The following ARL15 variants were observed in gnomAD, a reference collection of about 807,000 sequenced individuals.
ARL15 encodes ARF like GTPase 15.
ARL15 carries 19 observed loss-of-function variants against 25.2 expected under a neutral mutation model. The ratio of observed to expected loss-of-function variants is 0.75; its 90% CI spans 0.53 to 1.10. ARL15 has a LOEUF of 1.10. Ranked by LOEUF, ARL15 falls within the 50% of genes least tolerant of loss-of-function variation. The pLI is 0.00. For synonymous variants in ARL15, 94 were observed against 86.8 expected (o/e 1.08, Z -0.46); for missense variants, 220 against 246.0 (o/e 0.89, Z 0.71).
intron 4 of ARL15, among the ~76,000 whole-genome samples, chr5:53,924,576 A>T (rs1223802617): frequency 1.3e-5 from 2 of 152,188 alleles, no homozygotes; most frequent in African/African-American, 4.8e-5. Flanking sequence ...GGTTGAGGGC[A>T]TGAACCTAGA....
intron 1 of ARL15, chr5:54,282,255 A>C: frequency 1.0e-6 from 1 of 985,472 alleles, no homozygotes; most frequent in Non-Finnish European, 1.2e-6. Context: ...GTACCACAAA[A>C]ATATACATTG....
Position 54,099,368 on chromosome 5 carries a change from G to A in ARL15, c.462+13834C>T, listed in dbSNP as rs544451478. Among the ~76,000 whole-genome samples, 38 of 152,034 alleles carry A rather than the reference G, an allele frequency of 2.5e-4. 1 individual carries two copies. In the South Asian group the frequency reaches 7.9e-3, roughly 32 times the overall value. Reference sequence around the variant, plus strand: ...GGTTTCCTCATAACTAGAGAGAAAAGTACATTTTATCGGCTAATGATTAAA... The same window carrying A: ...GGTTTCCTCATAACTAGAGAGAAAAATACATTTTATCGGCTAATGATTAAA... On this transcript the variant is annotated intron_variant, in intron 4 of 4. Transcript: ENST00000504924.
intron 4 of ARL15, among the ~76,000 whole-genome samples, chr5:53,988,877 T>G (rs1294577774): frequency 6.6e-6 from 1 of 152,174 alleles, no homozygotes; most frequent in Non-Finnish European, 1.5e-5. Flanking sequence ...TCTGAAAAGC[T>G]GCAATCAGCT....
At chr5:54,021,188 A>G (rs908888432) in intron 4 of ARL15, among the ~76,000 whole-genome samples, 1 of 152,012 alleles carries the variant, frequency 6.6e-6, no homozygotes, top group Non-Finnish European at 1.5e-5. Context: ...ATACAAAATT[A>G]GCTGGGTGTG....
intron 3 of ARL15, among the ~76,000 whole-genome samples, chr5:54,125,085 G>GTTTTT (rs70986660): frequency 1.5e-5 from 2 of 136,458 alleles, no homozygotes; most frequent in East Asian, 2.1e-4. Context: ...GTTTTGTTTT[G>GTTTTT]TTTTTTTTTT....
intron 4 of ARL15, among the ~76,000 whole-genome samples, chr5:54,106,694 A>AAT (rs1331278058): frequency 2.6e-5 from 4 of 152,152 alleles, no homozygotes; most frequent in Non-Finnish European, 4.4e-5. Context: ...TTTTTCCCTG[A>AAT]ATATTTTCAA....
intron 4 of ARL15, among the ~76,000 whole-genome samples, chr5:53,931,225 A>G (rs1746187077): frequency 6.6e-6 from 1 of 152,214 alleles, no homozygotes; most frequent in Non-Finnish European, 1.5e-5. Flanking sequence ...TCTTTCCTCC[A>G]ACCAGGGTCG....
At chr5:53,947,170 GT>G (rs1561160927) in intron 4 of ARL15, among the ~76,000 whole-genome samples, 2,625 of 45,384 alleles carry the variant, frequency 0.058, 37 homozygotes, top group Middle Eastern at 0.14. Context: ...AAATAAGGGT[GT>G]GTGTGTGTGT....
At chr5:54,142,907 C>A (rs990272626) in intron 3 of ARL15, among the ~76,000 whole-genome samples, 6 of 152,040 alleles carry the variant, frequency 3.9e-5, no homozygotes, top group Non-Finnish European at 7.4e-5. Context: ...TAAATTTAGA[C>A]CTTGGATCCA....
chr5:54,310,397 C>T (rs1161769888), intron 1 of ARL15, 35 bp downstream of exon 1: 2 of 1,598,866 alleles, frequency 1.3e-6, no homozygotes, highest in Non-Finnish European at 1.7e-6. Context: ...CGCCGAGATC[C>T]GAGAGGCGAC....
chr5:54,089,864 T>C (rs1752081371), intron 4 of ARL15, among the ~76,000 whole-genome samples: 1 of 152,190 alleles, frequency 6.6e-6, no homozygotes, highest in South Asian at 2.1e-4. Context: ...AAAACCAACA[T>C]ACGAATGTAT....
chr5:54,016,958 A>C, intron 4 of ARL15, among the ~76,000 whole-genome samples: 1 of 152,226 alleles, frequency 6.6e-6, no homozygotes, highest in East Asian at 1.9e-4. Context: ...TCTGTAAATG[A>C]TGATAAGCCA....
At chr5:53,945,978 T>A (rs1375083059) in intron 4 of ARL15, among the ~76,000 whole-genome samples, 1 of 152,172 alleles carries the variant, frequency 6.6e-6, no homozygotes, top group Non-Finnish European at 1.5e-5. Context: ...TGGAGACAGA[T>A]CCATCTGCAT....
At chr5:54,031,371 C>T (rs772468669) in intron 4 of ARL15, among the ~76,000 whole-genome samples, 4 of 152,016 alleles carry the variant, frequency 2.6e-5, no homozygotes, top group South Asian at 4.2e-4. Context: ...GATGAATAGA[C>T]GACATTCTAT....
At position 53,926,382 on chromosome 5, in the gene ARL15, G is replaced by A. The variant is rs116834321; in HGVS notation, c.463-39669C>T. ...AAGGGCTGTCTAGTGGGAAGATGAAGCCATGGAGAACATGCAGCCACGGCG... is the reference window on the plus strand; with the variant it reads ...AAGGGCTGTCTAGTGGGAAGATGAAACCATGGAGAACATGCAGCCACGGCG... On this transcript the variant is annotated intron_variant, in intron 4 of 4. Transcript: ENST00000504924. Among the ~76,000 whole-genome samples the A allele has an allele frequency of 3.9e-3, 588 of 149,070 alleles. 5 individuals are homozygous for A. The highest frequency in any genetic ancestry group is 0.014 in the African/African-American group (561 of 39,628).
rs1286703747 is a variant in ARL15 at position 54,140,447 on chromosome 5, G to GAT, written c.253+14131_253+14132dup. Among the ~76,000 whole-genome samples, 4 of 138,342 alleles carry GAT rather than the reference G, an allele frequency of 2.9e-5. No homozygotes were observed. The East Asian group carries it at 8.6e-4, about 30-fold the overall frequency. 90.8% of individuals were successfully genotyped at this position (138,342 alleles called of 152,430 possible). A position where few individuals can be genotyped will look rare whatever the true frequency, so the allele number is the denominator to read the frequency against. On this transcript the variant is annotated intron_variant, in intron 3 of 4. Transcript: ENST00000504924. ...AGATAGATAGATAGATAGATAGATA[G>GAT]ATAGATAGATAGATAGATAGAGATA...
At chr5:54,123,160 A>G (rs1753139440) in intron 3 of ARL15, among the ~76,000 whole-genome samples, 1 of 147,108 alleles carries the variant, frequency 6.8e-6, no homozygotes, top group Non-Finnish European at 1.5e-5. Flanking sequence ...CGCAGGCTGG[A>G]GTGCAATGGT....
chr5:54,081,697 T>C (rs10213735), intron 4 of ARL15, among the ~76,000 whole-genome samples: 22,849 of 152,196 alleles, frequency 0.15, 2,080 homozygotes, highest in African/African-American at 0.25. Flanking sequence ...CCTTCTGCCA[T>C]AAATGTAAGT....
intron 1 of ARL15, chr5:54,282,273 T>G (rs1049837742): frequency 1.0e-6 from 1 of 985,356 alleles, no homozygotes; most frequent in African/African-American, 1.7e-5. Context: ...TTGCTTACCG[T>G]GTAAATCCCA....
Sources: allele counts gnomAD v4.1 joint callset (sites outside exome capture counted in the v4.1 genomes callset), GRCh38; gene constraint gnomAD v4.1.1; transcripts MANE v1.5; gene names NCBI Gene and HGNC (gene_info 2026-07-23, HGNC 2026-07-21).